Variants in RIMS2 observed in about 807,000 individuals in gnomAD.
RIMS2 encodes regulating synaptic membrane exocytosis 2.
A neutral mutation model predicts 174.4 loss-of-function variants in RIMS2; 59 were observed. The observed-to-expected ratio is 0.34, with a 90% CI of 0.27 to 0.42. RIMS2 has a LOEUF of 0.42. Among genes scored for constraint, RIMS2 ranks in the 10% least tolerant of loss-of-function variants. The pLI is 1.00. For missense variants in RIMS2, 1,620 were observed against 1,666.3 expected (o/e 0.97, Z 0.48); for synonymous variants, 606 against 572.5 (o/e 1.06, Z -0.84).
chr8:103,781,397 G>T (rs1242189014), intron 3 of RIMS2, among the ~76,000 whole-genome samples: 1 of 152,150 alleles, frequency 6.6e-6, no homozygotes, highest in African/African-American at 2.4e-5. Flanking sequence ...GGGGTGGAGG[G>T]AGTGAAGCCA....
intron 10 of RIMS2, 21 bp downstream of exon 13, chr8:103,921,805 C>G (rs750786436): frequency 2.3e-6 from 2 of 853,950 alleles, no homozygotes; most frequent in Non-Finnish European, 3.9e-6. Context: ...ATTACGTTTA[C>G]TCTTCTTTTT....
intron 19 of RIMS2, among the ~76,000 whole-genome samples, chr8:104,076,821 CT>C (rs759341615): frequency 0.07 from 9,789 of 140,234 alleles, 324 homozygotes; most frequent in African/African-American, 0.098. Context: ...TTTCTTTTAT[CT>C]TTTTTTTTTT....
intron 2 of RIMS2, among the ~76,000 whole-genome samples, chr8:103,703,583 G>A (rs1366606038): frequency 6.6e-6 from 1 of 152,074 alleles, no homozygotes; most frequent in East Asian, 1.9e-4. Flanking sequence ...ATTGCTTTTG[G>A]TAGTTTCAAC....
intron 2 of RIMS2, among the ~76,000 whole-genome samples, chr8:103,737,916 A>C (rs1480589218): frequency 6.6e-6 from 1 of 151,866 alleles, no homozygotes; most frequent in Non-Finnish European, 1.5e-5. Flanking sequence ...TATCACTCTG[A>C]TTTTTCTTGA....
intron 3 of RIMS2, among the ~76,000 whole-genome samples, chr8:103,794,019 A>G (rs1010211759): frequency 3.3e-5 from 5 of 152,228 alleles, no homozygotes; most frequent in African/African-American, 2.4e-5. Context: ...AAGGTAATTT[A>G]TAGATTCAAT....
rs537307402 is a variant in RIMS2 at position 103,502,763 on chromosome 8, A to T, written c.176+1701A>T. Among the ~76,000 whole-genome samples the T allele has an allele frequency of 2.6e-5, 4 of 152,136 alleles. No homozygotes were observed. The South Asian group carries it at 8.3e-4, about 32-fold the overall frequency. On this transcript the variant is annotated intron_variant, in intron 1 of 23. Coordinates refer to ENST00000504942, the Ensembl canonical transcript of RIMS2. The stretch of plus-strand genomic sequence containing the variant: ...TGCGGCCAAAATGATGCTCCAGTAA[A>T]ATGTAGTTTTATTTTTTTGACTTAC...
intron 19 of RIMS2, among the ~76,000 whole-genome samples, chr8:104,154,408 G>A (rs974249015): frequency 3.9e-5 from 6 of 152,182 alleles, no homozygotes; most frequent in African/African-American, 1.2e-4. Flanking sequence ...CACTTGAAAT[G>A]TGGCTAGGGT....
intron 4 of RIMS2, among the ~76,000 whole-genome samples, chr8:103,887,676 G>C (rs1247203718): frequency 6.6e-6 from 1 of 151,066 alleles, no homozygotes; most frequent in African/African-American, 2.4e-5. Context: ...AATCACTAAG[G>C]GAATTCAAGA....
chr8:103,945,732 C>T (rs1449398959), intron 14 of RIMS2, among the ~76,000 whole-genome samples: 1 of 150,168 alleles, frequency 6.7e-6, no homozygotes, highest in Admixed American at 6.6e-5. Flanking sequence ...TGGCAGAATT[C>T]AATGCTCATT....
chr8:103,819,589 T>A, intron 3 of RIMS2: 1 of 1,613,586 alleles, frequency 6.2e-7, no homozygotes, highest in Non-Finnish European at 8.5e-7. Flanking sequence ...ACCAAATATC[T>A]TACAAAATGA....
chr8:104,197,177 CT>C (rs34674014), intron 19 of RIMS2, among the ~76,000 whole-genome samples: 9,364 of 138,426 alleles, frequency 0.068, 345 homozygotes, highest in Non-Finnish European at 0.1. Flanking sequence ...TAAACATAAG[CT>C]TTTTTTTTTT....
intron 6 of RIMS2, among the ~76,000 whole-genome samples, chr8:103,912,943 T>C (rs1019633952): frequency 6.6e-6 from 1 of 150,896 alleles, no homozygotes; most frequent in East Asian, 1.9e-4. Context: ...CATAGTGAAG[T>C]CCTGTCTCTA....
intron 19 of RIMS2, among the ~76,000 whole-genome samples, chr8:104,183,866 C>T (rs186246712): frequency 3.3e-5 from 5 of 151,566 alleles, no homozygotes; most frequent in African/African-American, 7.2e-5. Context: ...AGTGGTAGAT[C>T]GACTTATCTT....
At chr8:103,978,760 A>G (rs2093656362) in intron 16 of RIMS2, among the ~76,000 whole-genome samples, 1 of 152,228 alleles carries the variant, frequency 6.6e-6, no homozygotes, top group Non-Finnish European at 1.5e-5. Context: ...AGATTTTAAC[A>G]TATCCCTAAC....
At position 103,963,956 on chromosome 8, in the gene RIMS2, G is replaced by A. The variant is rs1325454153; in HGVS notation, c.2770+2823G>A. Reference sequence around the variant, plus strand: ...CATACAGTTTGTAGCCTTTCAGATAGGCATCTTTCACTTAGTAATATGCTT... The same window carrying A: ...CATACAGTTTGTAGCCTTTCAGATAAGCATCTTTCACTTAGTAATATGCTT... On this transcript the variant is annotated intron_variant, in intron 15 of 23. Coordinates refer to ENST00000504942, the Ensembl canonical transcript of RIMS2. 3.9e-5 allele frequency among the ~76,000 whole-genome samples: 6 copies of A among 152,088 alleles called. No homozygotes were observed. The South Asian group carries it at 6.2e-4, about 16-fold the overall frequency.
intron 1 of RIMS2, among the ~76,000 whole-genome samples, chr8:103,674,326 G>T (rs1275635213): frequency 6.6e-6 from 1 of 151,994 alleles, no homozygotes; most frequent in Non-Finnish European, 1.5e-5. Context: ...TATCTTTATA[G>T]CAATGCCCTA....
At chr8:103,907,678 T>C (rs1358513384) in intron 4 of RIMS2, among the ~76,000 whole-genome samples, 1 of 152,060 alleles carries the variant, frequency 6.6e-6, no homozygotes, top group Admixed American at 6.5e-5. Context: ...TATATGTTAA[T>C]TATTGCCAAT....
chr8:103,592,722 A>G (rs1419776404), intron 1 of RIMS2, among the ~76,000 whole-genome samples: 2 of 151,448 alleles, frequency 1.3e-5, no homozygotes, highest in African/African-American at 2.4e-5. Context: ...CAGGTAAAAC[A>G]CAAGAATAAG....
chr8:103,883,090 T>C (rs1460055741), intron 3 of RIMS2, among the ~76,000 whole-genome samples: 1 of 151,708 alleles, frequency 6.6e-6, no homozygotes, highest in Non-Finnish European at 1.5e-5. Context: ...TTTAGAATCA[T>C]TCACCCTCTT....
Sources: allele counts gnomAD v4.1 joint callset (sites outside exome capture counted in the v4.1 genomes callset), GRCh38; gene constraint gnomAD v4.1.1; transcripts MANE v1.5; gene names NCBI Gene and HGNC (gene_info 2026-07-23, HGNC 2026-07-21).